The following TMEM132B variants were observed in gnomAD, a reference collection of about 807,000 sequenced individuals.
TMEM132B encodes the protein transmembrane protein 132B.
A neutral mutation model predicts 90.8 loss-of-function variants in TMEM132B; 18 were observed. The observed-to-expected ratio is 0.20, with a 90% CI of 0.14 to 0.29. The LOEUF is 0.29. TMEM132B is among the 10% of genes least tolerant of loss of function. The pLI is 1.00. For missense variants in TMEM132B, 1,096 were observed against 1,326.8 expected (o/e 0.83, Z 2.70); for synonymous variants, 504 against 523.3 (o/e 0.96, Z 0.50).
chr12:125,241,642 G>T (rs772604552), intron 1 of TMEM132B, among the ~76,000 whole-genome samples: 3 of 152,152 alleles, frequency 2.0e-5, no homozygotes, highest in Non-Finnish European at 4.4e-5. Flanking sequence ...GCACCTTGTT[G>T]AGCCTTCAGA....
At chr12:125,599,546 G>A (rs1236376710) in intron 5 of TMEM132B, among the ~76,000 whole-genome samples, 3 of 152,100 alleles carry the variant, frequency 2.0e-5, no homozygotes, top group African/African-American at 7.2e-5. Context: ...GCTGGTGAGT[G>A]GTGTAGGGTG....
At chr12:125,286,829 G>A (rs1361185155) in intron 1 of TMEM132B, among the ~76,000 whole-genome samples, 6 of 151,946 alleles carry the variant, frequency 3.9e-5, no homozygotes, top group Non-Finnish European at 5.9e-5. Context: ...TCAGCCTACC[G>A]AGTAGCTGGG....
At chr12:125,374,432 G>GTTT (rs11394719) in intron 2 of TMEM132B, among the ~76,000 whole-genome samples, 23 of 151,132 alleles carry the variant, frequency 1.5e-4, no homozygotes, top group African/African-American at 5.1e-4. Flanking sequence ...CCACAAACAT[G>GTTT]TTTTTTTTTG....
At chr12:125,489,499 G>T (rs2136552667) in intron 3 of TMEM132B, among the ~76,000 whole-genome samples, 1 of 152,130 alleles carries the variant, frequency 6.6e-6, no homozygotes, top group African/African-American at 2.4e-5. Flanking sequence ...GCCTTGAATA[G>T]TCCCAAGTGA....
rs549345612 is a variant in TMEM132B at position 125,351,990 on chromosome 12, C to G, written c.959+1647C>G. Among the ~76,000 whole-genome samples the G allele has an allele frequency of 3.3e-5, 5 of 152,292 alleles. No homozygotes were observed. In the East Asian group the frequency reaches 9.6e-4, roughly 29 times the overall value. Reference sequence around the variant, plus strand: ...ACCTGCCAGTCTCCCTCTAGCACCCCCTATTGACAGAACCAAACAAGGATC... The same window carrying G: ...ACCTGCCAGTCTCCCTCTAGCACCCGCTATTGACAGAACCAAACAAGGATC... On this transcript the variant is annotated intron_variant, in intron 2 of 8. Transcript: ENST00000682704.
At chr12:125,211,162 T>G (rs1593042719) in intron 1 of TMEM132B, among the ~76,000 whole-genome samples, 1 of 147,578 alleles carries the variant, frequency 6.8e-6, no homozygotes, top group Non-Finnish European at 1.5e-5. Context: ...ATCTGTGAGG[T>G]TTTGGCTTAA....
intron 1 of TMEM132B, among the ~76,000 whole-genome samples, chr12:125,330,828 G>A (rs964806622): frequency 5.3e-5 from 8 of 152,242 alleles, no homozygotes; most frequent in Non-Finnish European, 7.3e-5. Flanking sequence ...GACTGCCTGA[G>A]GCCAGGAGTT....
intron 4 of TMEM132B, among the ~76,000 whole-genome samples, chr12:125,573,864 T>G (rs762774996): frequency 1.3e-5 from 2 of 152,230 alleles, no homozygotes; most frequent in Non-Finnish European, 2.9e-5. Flanking sequence ...ATTTTATTTA[T>G]TTAATGCCAT....
intron 5 of TMEM132B, among the ~76,000 whole-genome samples, chr12:125,611,339 T>A (rs185730625): frequency 3.3e-4 from 50 of 152,190 alleles, no homozygotes; most frequent in Non-Finnish European, 6.2e-4. Context: ...ATTTTGTTGA[T>A]ATTTTAAAAA....
intron 4 of TMEM132B, among the ~76,000 whole-genome samples, chr12:125,547,239 C>T (rs1884113535): frequency 6.6e-6 from 1 of 152,218 alleles, no homozygotes; most frequent in African/African-American, 2.4e-5. Flanking sequence ...AGTAGCTGCA[C>T]CATTTCCCAT....
intron 5 of TMEM132B, among the ~76,000 whole-genome samples, chr12:125,606,313 C>T (rs1346113603): frequency 2.3e-5 from 3 of 132,172 alleles, no homozygotes; most frequent in Non-Finnish European, 3.2e-5. Flanking sequence ...TGATTTCTTT[C>T]CTTTTTTTTT....
At chr12:125,336,963 G>T (rs1422497561) in intron 1 of TMEM132B, among the ~76,000 whole-genome samples, 3 of 152,148 alleles carry the variant, frequency 2.0e-5, no homozygotes, top group Non-Finnish European at 2.9e-5. Flanking sequence ...TTATAACAAG[G>T]TCATCAAAAT....
At chr12:125,428,245 C>T (rs142499493) in intron 3 of TMEM132B, among the ~76,000 whole-genome samples, 1,688 of 152,200 alleles carry the variant, frequency 0.011, 28 homozygotes, top group African/African-American at 0.037. Context: ...CCTCCTGCCT[C>T]AGCCTCCCAA....
intron 6 of TMEM132B, among the ~76,000 whole-genome samples, chr12:125,648,156 CG>C (rs2137040301): frequency 6.8e-6 from 1 of 148,048 alleles, no homozygotes; most frequent in East Asian, 2.0e-4. Flanking sequence ...ATGCGGTGTT[CG>C]GTTTTTTATT....
intron 1 of TMEM132B, among the ~76,000 whole-genome samples, chr12:125,284,878 T>C (rs1055556288): frequency 1.3e-5 from 2 of 152,204 alleles, no homozygotes; most frequent in African/African-American, 4.8e-5. Context: ...GTTGGCTTTA[T>C]TTTCAGAGAT....
Position 125,407,163 on chromosome 12 carries a change from T to C in TMEM132B, c.960-8368T>C, listed in dbSNP as rs1299668394. Among the ~76,000 whole-genome samples, 4 of 152,192 alleles carry C rather than the reference T, an allele frequency of 2.6e-5. No individual in the cohort carries two copies. The East Asian group carries it at 7.7e-4, about 29-fold the overall frequency. On this transcript the variant is annotated intron_variant, in intron 2 of 8. Coordinates refer to ENST00000682704, the MANE Select transcript of TMEM132B (RefSeq NM_001366854.1). This position sits in a 1 kb window ranked among gnomAD's most constrained non-coding sequence, Gnocchi z 6.7. Reference sequence around the variant, plus strand: ...CAAGCCTCCCTACTATAAATCATATTGAAGCACAGATTATCTGGCATGGCC... The same window carrying C: ...CAAGCCTCCCTACTATAAATCATATCGAAGCACAGATTATCTGGCATGGCC...
At chr12:125,391,599 G>T (rs114803476) in intron 2 of TMEM132B, among the ~76,000 whole-genome samples, 2 of 152,150 alleles carry the variant, frequency 1.3e-5, no homozygotes, top group Admixed American at 6.5e-5. Context: ...CACCATGTGG[G>T]ATGTCTCAGG....
intron 2 of TMEM132B, among the ~76,000 whole-genome samples, chr12:125,367,493 CT>C (rs776146664): frequency 1.9e-4 from 29 of 152,282 alleles, no homozygotes; most frequent in South Asian, 4.1e-4. Flanking sequence ...TTTGAGCATT[CT>C]CTCTTTCTCT....
At chr12:125,325,995 G>C (rs1876552546) in intron 1 of TMEM132B, among the ~76,000 whole-genome samples, 1 of 152,118 alleles carries the variant, frequency 6.6e-6, no homozygotes, top group Non-Finnish European at 1.5e-5. Flanking sequence ...CCCACTCCAG[G>C]GCCCTGCAGC....
Sources: allele counts gnomAD v4.1 joint callset (sites outside exome capture counted in the v4.1 genomes callset), GRCh38; gene constraint gnomAD v4.1.1; non-coding constraint Gnocchi (gnomAD v3.1); transcripts MANE v1.5; gene names NCBI Gene and HGNC (gene_info 2026-07-23, HGNC 2026-07-21).